NBEA: variants seen among roughly 807,000 people sequenced by gnomAD.
The protein encoded by NBEA is lysosomal-trafficking regulator 2.
In NBEA, 44 loss-of-function variants were observed where a neutral mutation model predicts 343.4. The ratio of observed to expected loss-of-function variants is 0.13; its 90% CI spans 0.10 to 0.16. NBEA has a LOEUF of 0.16. NBEA is among the 10% of genes least tolerant of loss of function. NBEA has a pLI of 1.00. For synonymous variants in NBEA, 1,175 were observed against 1,238.7 expected (o/e 0.95, Z 1.08); for missense variants, 2,555 against 3,631.3 (o/e 0.70, Z 7.62).
At position 35,671,201 on chromosome 13, in the gene NBEA, A is replaced by G; in HGVS notation, c.*210A>G. On this transcript the variant is annotated 3_prime_UTR_variant, in exon 59 of 59. Transcript: ENST00000379939. The stretch of plus-strand genomic sequence containing the variant: ...ACCAGCTGCTATCAAGCAAGCTTAT[A>G]TCATGTAAATTATATGAATTAGGAG... The G allele has an allele frequency of 2.1e-6, 1 of 480,346 alleles. No homozygotes were observed. The highest frequency in any genetic ancestry group is 3.8e-6 in the Non-Finnish European group (1 of 266,664). The allele number at this position is 480,346 out of a possible 1,614,324, so 29.8% of individuals were successfully genotyped here. A position where few individuals can be genotyped will look rare whatever the true frequency, so the allele number is the denominator to read the frequency against.
intron 17 of NBEA, among the ~76,000 whole-genome samples, chr13:35,134,076 T>C (rs935389013): frequency 6.6e-6 from 1 of 152,002 alleles, no homozygotes; most frequent in Non-Finnish European, 1.5e-5. Context: ...TGGAAGGACA[T>C]TCTGTATTTT....
intron 22 of NBEA, among the ~76,000 whole-genome samples, chr13:35,161,468 A>G (rs1305633949): frequency 6.6e-6 from 1 of 152,120 alleles, no homozygotes; most frequent in Non-Finnish European, 1.5e-5. Context: ...TAATGGGGTA[A>G]AGGGGTCTGG....
At chr13:35,490,457 G>A (rs563243722) in intron 41 of NBEA, among the ~76,000 whole-genome samples, 2 of 151,998 alleles carry the variant, frequency 1.3e-5, no homozygotes, top group African/African-American at 4.8e-5. Context: ...ACCAGTTGGA[G>A]ATTCCTGAAT....
intron 35 of NBEA, among the ~76,000 whole-genome samples, chr13:35,303,123 A>T (rs2036662369): frequency 6.6e-6 from 1 of 152,144 alleles, no homozygotes; most frequent in Non-Finnish European, 1.5e-5. Context: ...GAACAAAAAA[A>T]TCTTCTTTAC....
At chr13:35,065,842 T>C (rs1455501450) in intron 8 of NBEA, among the ~76,000 whole-genome samples, 1 of 152,140 alleles carries the variant, frequency 6.6e-6, no homozygotes, top group East Asian at 1.9e-4. Context: ...TCCTTTATAT[T>C]ATTGATTTCT....
chr13:35,222,363 C>A (rs1461085919), intron 33 of NBEA, among the ~76,000 whole-genome samples: 1 of 151,692 alleles, frequency 6.6e-6, no homozygotes, highest in East Asian at 1.9e-4. Context: ...TAAAGCAGTT[C>A]TGCTTTTTAA....
rs1392878283 is a variant in NBEA, at chr13:35,445,537, G to A, written c.6305-6555G>A. ...AGTGGGGAACAATAACTTATGAATG[G>A]CAAATCAAATAGTCCAACTCTCCCA... On this transcript the variant is annotated intron_variant, in intron 39 of 58. Transcript: ENST00000379939. Among the ~76,000 whole-genome samples, 3 of 151,346 alleles carry A rather than the reference G, an allele frequency of 2.0e-5. No homozygotes were observed. The Admixed American group carries it at 2.0e-4, about 10-fold the overall frequency.
intron 36 of NBEA, among the ~76,000 whole-genome samples, chr13:35,347,948 C>T (rs187635293): frequency 3.4e-4 from 52 of 152,102 alleles, no homozygotes; most frequent in Middle Eastern, 6.8e-3. Context: ...GCAACAGACT[C>T]CAGAAGAGAG....
intron 34 of NBEA, among the ~76,000 whole-genome samples, chr13:35,240,716 G>T (rs1234821995): frequency 3.6e-4 from 55 of 151,412 alleles, no homozygotes; most frequent in Admixed American, 3.5e-3. Context: ...CTATGATTTA[G>T]GTATTAAAAA....
intron 34 of NBEA, among the ~76,000 whole-genome samples, chr13:35,286,394 C>T (rs991624940): frequency 1.3e-5 from 2 of 152,138 alleles, no homozygotes; most frequent in Middle Eastern, 3.4e-3. Context: ...GTCAGAGTCT[C>T]CTCTCTTGGA....
chr13:35,670,577 A>G (rs2085570346), intron 58 of NBEA, among the ~76,000 whole-genome samples: 1 of 152,244 alleles, frequency 6.6e-6, no homozygotes, highest in South Asian at 2.1e-4. Context: ...TAGATGCCCA[A>G]AACAAGGCAG....
At chr13:35,517,601 T>A (rs186797359) in intron 41 of NBEA, among the ~76,000 whole-genome samples, 1 of 152,278 alleles carries the variant, frequency 6.6e-6, no homozygotes, top group African/African-American at 2.4e-5. Flanking sequence ...GGAGTTTATC[T>A]CCCATCTCCA....
At chr13:35,326,904 C>T (rs569251637) in intron 36 of NBEA, among the ~76,000 whole-genome samples, 5 of 151,906 alleles carry the variant, frequency 3.3e-5, no homozygotes, top group South Asian at 2.1e-4. Context: ...GACTAATATC[C>T]GGAATCTATA....
chr13:35,465,248 C>A (rs541322223), intron 40 of NBEA, among the ~76,000 whole-genome samples: 1 of 151,970 alleles, frequency 6.6e-6, no homozygotes, highest in Admixed American at 6.6e-5. Flanking sequence ...TGGTATATAT[C>A]ATTTTCTATA....
Position 35,357,696 on chromosome 13 carries a change from T to C in NBEA, c.6179+5373T>C, listed in dbSNP as rs2040571316. The stretch of plus-strand genomic sequence containing the variant: ...TACCATATTTTCTTTATAGAGTCTA[T>C]CATTTATGGCCATTTTTGTTGATTT... On this transcript the variant is annotated intron_variant, in intron 38 of 58. Transcript: ENST00000379939. Among the ~76,000 whole-genome samples, 4 of 152,296 alleles carry C rather than the reference T, an allele frequency of 2.6e-5. No homozygotes were observed. The South Asian group carries it at 8.3e-4, about 32-fold the overall frequency.
intron 1 of NBEA, among the ~76,000 whole-genome samples, chr13:35,019,014 T>G (rs1021718113): frequency 6.6e-6 from 1 of 152,030 alleles, no homozygotes; most frequent in Non-Finnish European, 1.5e-5. Flanking sequence ...TGGCTTTTCA[T>G]TTTTAGTCAG....
In NBEA at chr13:35,645,294, T is replaced by C. The variant is rs181952339; in HGVS notation, c.7618-575T>C. ...AATTAGCATGGTAGCAGAGTAATGA[T>C]CATAGTAAATATCATGCTTCTCCTT... On this transcript the variant is annotated intron_variant, in intron 49 of 58. Transcript: ENST00000379939. Among the ~76,000 whole-genome samples the C allele has an allele frequency of 2.3e-3, 347 of 152,322 alleles. 2 individuals carry two copies. The highest frequency in any genetic ancestry group is 3.7e-3 in the Non-Finnish European group (250 of 68,030).
intron 1 of NBEA, among the ~76,000 whole-genome samples, chr13:34,958,563 A>G (rs2059568395): frequency 6.6e-6 from 1 of 152,120 alleles, no homozygotes; most frequent in African/African-American, 2.4e-5. Flanking sequence ...GATATTTCAC[A>G]CCATGAATAG....
chr13:35,195,803 A>G, intron 30 of NBEA, 61 bp from the exon 31 acceptor site: 1 of 1,394,254 alleles, frequency 7.2e-7, no homozygotes, highest in Non-Finnish European at 9.7e-7. Flanking sequence ...AAAACATTTG[A>G]TTAATAATAC....
Sources: allele counts gnomAD v4.1 joint callset (sites outside exome capture counted in the v4.1 genomes callset), GRCh38; gene constraint gnomAD v4.1.1; transcripts MANE v1.5; gene names NCBI Gene and HGNC (gene_info 2026-07-23, HGNC 2026-07-21).